RBFOX3: variants seen among roughly 807,000 people sequenced by gnomAD.
The protein encoded by RBFOX3 is RNA binding fox-1 homolog 3, also known as RNA binding protein fox-1 homolog 3.
RBFOX3 carries 17 observed loss-of-function variants against 48.7 expected under a neutral mutation model. The ratio of observed to expected loss-of-function variants is 0.35; its 90% confidence interval spans 0.24 to 0.52. RBFOX3 has a LOEUF of 0.52. Ranked by LOEUF, RBFOX3 falls within the 20% of genes least tolerant of loss-of-function variation. The probability of loss-of-function intolerance (pLI) is 0.94; values close to 1 mark genes in which losing one functional copy is unlikely to be tolerated. For synonymous variants in RBFOX3, 212 were observed against 209.5 expected (o/e 1.01, Z -0.10); for missense variants, 382 against 497.5 (o/e 0.77, Z 2.21).
chr17:79,515,943 C>T (rs1337370080), intron 1 of RBFOX3: 3 of 152,290 alleles, frequency 2.0e-5, no homozygotes, highest in African/African-American at 2.4e-5. Flanking sequence ...TAGCTTTAAT[C>T]GAGGCGCTCA....
intron 2 of RBFOX3, among the ~76,000 whole-genome samples, chr17:79,377,227 C>G (rs1000822756): frequency 4.1e-5 from 6 of 147,708 alleles, no homozygotes; most frequent in Non-Finnish European, 8.8e-5. Flanking sequence ...ACACACTACA[C>G]AGACGCACAG....
At chr17:79,483,589 T>C (rs2079096347) in intron 1 of RBFOX3, among the ~76,000 whole-genome samples, 1 of 148,098 alleles carries the variant, frequency 6.8e-6, no homozygotes, top group Non-Finnish European at 1.5e-5. Flanking sequence ...CCCACGAATT[T>C]CCCCCCAGGG....
At chr17:79,507,714 G>A (rs2083374642) in intron 1 of RBFOX3, among the ~76,000 whole-genome samples, 1 of 152,188 alleles carries the variant, frequency 6.6e-6, no homozygotes, top group African/African-American at 2.4e-5. Context: ...TCTCTTCACT[G>A]ATAATGAGAC....
intron 2 of RBFOX3, among the ~76,000 whole-genome samples, chr17:79,370,471 C>T (rs1011124185): frequency 2.0e-5 from 3 of 152,192 alleles, no homozygotes; most frequent in Non-Finnish European, 2.9e-5. Flanking sequence ...TACTAACATA[C>T]ACTCACACAC....
At chr17:79,099,454 A>G (rs909523742) in intron 9 of RBFOX3, 3 of 152,022 alleles carry the variant, frequency 2.0e-5, no homozygotes, top group African/African-American at 7.3e-5. Flanking sequence ...TTCTGGGAAG[A>G]CCTCCAGTCC....
Position 79,205,692 on chromosome 17 carries a change from CTT to C in RBFOX3, c.-34+30072_-34+30073del. On this transcript the variant is annotated intron_variant, in intron 4 of 14. Transcript: ENST00000693108. This position sits in a 1 kb window ranked among gnomAD's most constrained non-coding sequence, Gnocchi z 4.5. ...GTGGGTGATGGTGGATTACTGGAAACTTCACCAAGCAGCAGCCTCCAATTATT... is the reference window on the plus strand; with the variant it reads ...GTGGGTGATGGTGGATTACTGGAAACCACCAAGCAGCAGCCTCCAATTATT... Among the ~76,000 whole-genome samples the C allele has an allele frequency of 6.6e-6, 1 of 152,286 alleles. No homozygotes were observed. The highest frequency in any genetic ancestry group is 2.1e-4 in the South Asian group (1 of 4,814).
At chr17:79,500,983 T>C (rs1231636670) in intron 1 of RBFOX3, among the ~76,000 whole-genome samples, 6 of 152,194 alleles carry the variant, frequency 3.9e-5, no homozygotes, top group Non-Finnish European at 7.3e-5. Flanking sequence ...GAGAATTTGC[T>C]GTGGAAATCA....
At chr17:79,140,672 A>G (rs1031102610) in intron 4 of RBFOX3, among the ~76,000 whole-genome samples, 4 of 152,248 alleles carry the variant, frequency 2.6e-5, no homozygotes, top group Non-Finnish European at 2.9e-5. Context: ...GTCTCCTAGC[A>G]TGTTCTAGAA....
chr17:79,397,588 T>C (rs1206160311), intron 2 of RBFOX3, among the ~76,000 whole-genome samples: 3 of 149,326 alleles, frequency 2.0e-5, no homozygotes, highest in Non-Finnish European at 3.0e-5. Context: ...AAAATCAACC[T>C]AGGGCAGATT....
At chr17:79,458,987 G>A (rs754190110) in intron 2 of RBFOX3, among the ~76,000 whole-genome samples, 30 of 152,214 alleles carry the variant, frequency 2.0e-4, no homozygotes, top group South Asian at 6.2e-4. Context: ...AAGCGCGGCC[G>A]TGGGCTACCA....
intron 1 of RBFOX3, among the ~76,000 whole-genome samples, chr17:79,540,615 A>G (rs2089543432): frequency 6.6e-6 from 1 of 152,198 alleles, no homozygotes; most frequent in South Asian, 2.1e-4. Flanking sequence ...CCCTGCTTCC[A>G]AAAGCAGACT....
chr17:79,241,809 T>C (rs1400887676), intron 3 of RBFOX3, among the ~76,000 whole-genome samples: 2 of 152,186 alleles, frequency 1.3e-5, no homozygotes, highest in African/African-American at 4.8e-5. Context: ...TGTCTTCACA[T>C]GGCAAGGAGA....
chr17:79,497,904 C>T (rs2081791340), intron 1 of RBFOX3, among the ~76,000 whole-genome samples: 1 of 152,216 alleles, frequency 6.6e-6, no homozygotes, highest in East Asian at 1.9e-4. Flanking sequence ...AGCTTCCCCA[C>T]TCCCTCTGAC....
chr17:79,516,660 G>A (rs1298910584), intron 1 of RBFOX3, among the ~76,000 whole-genome samples: 3 of 152,236 alleles, frequency 2.0e-5, no homozygotes. Context: ...TAACTCAGAT[G>A]AGAAGCTAGG....
chr17:79,323,996 G>C (rs561330352), intron 2 of RBFOX3, among the ~76,000 whole-genome samples: 3 of 152,202 alleles, frequency 2.0e-5, no homozygotes, highest in African/African-American at 7.2e-5. Flanking sequence ...CTGTGGTGTT[G>C]GGTGCAGCAG....
chr17:79,350,846 A>G (rs1447931318), intron 2 of RBFOX3, among the ~76,000 whole-genome samples: 1 of 152,162 alleles, frequency 6.6e-6, no homozygotes, highest in African/African-American at 2.4e-5. Flanking sequence ...AGGCGCCCCC[A>G]TGGCGACTCT....
chr17:79,496,104 G>T (rs2149673234), intron 1 of RBFOX3, among the ~76,000 whole-genome samples: 1 of 152,202 alleles, frequency 6.6e-6, no homozygotes, highest in Non-Finnish European at 1.5e-5. Context: ...GAGCAAAATG[G>T]AGAGAGTCAG....
chr17:79,274,343 C>A lies in RBFOX3; in HGVS notation c.-74+33381G>T, dbSNP rs56714972. ...CATTTGCAACACAAGGAAATAGTACCGCCTCATCGGATGTCATGAAGATGA... is the reference window on the plus strand; with the variant it reads ...CATTTGCAACACAAGGAAATAGTACAGCCTCATCGGATGTCATGAAGATGA... On this transcript the variant is annotated intron_variant, in intron 3 of 14. Coordinates refer to ENST00000693108, the MANE Select transcript of RBFOX3 (RefSeq NM_001350451.2). Among the ~76,000 whole-genome samples, 363 of 152,264 alleles carry A rather than the reference C, an allele frequency of 2.4e-3. 2 individuals carry two copies. The highest frequency in any genetic ancestry group is 8.3e-3 in the African/African-American group (345 of 41,540).
At chr17:79,160,282 C>A (rs2046713066) in intron 4 of RBFOX3, among the ~76,000 whole-genome samples, 1 of 152,348 alleles carries the variant, frequency 6.6e-6, no homozygotes, top group Non-Finnish European at 1.5e-5. Context: ...TTTCTCTGCA[C>A]CCAAGGGGTG....
Sources: gnomAD v4.1 joint callset for allele counts (sites outside exome capture counted in the v4.1 genomes callset) on GRCh38, gnomAD v4.1.1 for gene constraint, Gnocchi (gnomAD v3.1) non-coding constraint, MANE v1.5 for transcripts, NCBI Gene and HGNC (gene_info 2026-07-23, HGNC 2026-07-21) for gene names.